Variants in H2AJ observed in about 807,000 individuals in gnomAD.
H2AJ encodes the protein H2A.J histone, also known as histone H2A.J.
A neutral mutation model predicts 7.9 loss-of-function variants in H2AJ; 3 were observed. The ratio of observed to expected loss-of-function variants is 0.38; its 90% CI spans 0.17 to 0.98. The LOEUF (loss-of-function observed/expected upper bound fraction) is 0.98, where lower values mean the gene tolerates loss of function less well. Among genes scored for constraint, H2AJ ranks in the 50% least tolerant of loss-of-function variants. The probability of loss-of-function intolerance (pLI) is 0.39; values close to 1 mark genes in which losing one functional copy is unlikely to be tolerated. For missense variants in H2AJ, 128 were observed against 174.4 expected, an observed-to-expected ratio of 0.73 and a Z score of 1.50; for synonymous variants, 98 against 85.7, an observed-to-expected ratio of 1.14 and a Z score of -0.79.
chr12:14,775,082 G>A (rs7969159), downstream of H2AJ: 16 of 601,406 alleles, frequency 2.7e-5, no homozygotes, highest in Admixed American at 4.3e-4. Flanking sequence ...AGGGGAGGGG[G>A]GCGACCGGGA....
chr12:14,777,810 T>C (rs1949660713), downstream of H2AJ: 1 of 167,092 alleles, frequency 6.0e-6, no homozygotes, highest in African/African-American at 2.4e-5. Flanking sequence ...TAGTAGCTGT[T>C]TTTATTTCTA....
downstream of H2AJ, chr12:14,776,940 T>TA (rs1949648463): frequency 6.0e-6 from 1 of 167,174 alleles, no homozygotes; most frequent in Non-Finnish European, 1.5e-5. Flanking sequence ...CAGCTCTTGT[T>TA]ACATGATGAG....
At chr12:14,775,235 G>T (rs1338546260), downstream of H2AJ, 2 of 485,392 alleles carry the variant, frequency 4.1e-6, no homozygotes, top group Non-Finnish European at 8.4e-6. Context: ...GCAAAGGGGA[G>T]GCAGAGTCGG....
downstream of H2AJ, chr12:14,775,029 G>C: frequency 1.3e-6 from 1 of 792,896 alleles, no homozygotes; most frequent in Non-Finnish European, 2.0e-6. Flanking sequence ...AAATCGTTTG[G>C]TCGAGAGAGC....
downstream of H2AJ, chr12:14,775,041 G>T: frequency 1.4e-6 from 1 of 732,624 alleles, no homozygotes; most frequent in Non-Finnish European, 2.2e-6. Flanking sequence ...CGAGAGAGCT[G>T]TGTAGTCGCG....
chr12:14,774,476 C>T lies in H2AJ; in HGVS notation c.6C>T (p.Ser2=), dbSNP rs778487244. 3.2e-6 allele frequency: 5 copies of T among 1,565,236 alleles called. No individual in the cohort carries two copies. Among genetic ancestry groups the T allele is most frequent in the African/African-American group, 2.7e-5 (2 of 73,140 alleles). The change falls in exon 1 of 1, where the codon TCC becomes TCT. Residue 2 remains serine (S), a synonymous_variant. Transcript: ENST00000544848. ...GTTGTAGGCGAGAGGTGATCATGTC[C>T]GGTCGCGGGAAACAGGGCGGCAAAG... The part of the protein sequence containing the change: M[S]GRGKQGGKVR...
downstream of H2AJ, chr12:14,775,530 G>T: frequency 5.1e-6 from 2 of 392,706 alleles, no homozygotes; most frequent in Non-Finnish European, 1.1e-5. Context: ...GCACTTTTAT[G>T]TTCATATTTT....
downstream of H2AJ, chr12:14,775,667 A>T (rs375110022): frequency 6.4e-6 from 2 of 311,276 alleles, no homozygotes; most frequent in African/African-American, 4.4e-5. Context: ...TTTTAAAGTG[A>T]TGTTGTCAAG....
rs747952344 is a variant in H2AJ at position 14,774,867 on chromosome 12, C to T, written c.*7C>T. 49 of 1,611,952 alleles carry T rather than the reference C, an allele frequency of 3.0e-5. No homozygotes were observed. The highest frequency in any genetic ancestry group is 3.5e-5 in the Non-Finnish European group (41 of 1,178,932). On this transcript the variant is annotated 3_prime_UTR_variant, in exon 1 of 1. Coordinates refer to ENST00000544848, the MANE Select transcript of H2AJ (RefSeq NM_177925.5). ...GAAGACGAAGAGCAAATGACCCTGACGCCGCCCTCAGGGAGCTGGCTCCCC... is the reference window on the plus strand; with the variant it reads ...GAAGACGAAGAGCAAATGACCCTGATGCCGCCCTCAGGGAGCTGGCTCCCC...
At chr12:14,775,683 A>G (rs147529853), downstream of H2AJ, 22 of 317,706 alleles carry the variant, frequency 6.9e-5, no homozygotes, top group East Asian at 9.1e-4. Context: ...TCAAGTTTCT[A>G]GCTTCATAAT....
At chr12:14,776,648 A>G (rs1046591648), downstream of H2AJ, 5 of 167,092 alleles carry the variant, frequency 3.0e-5, no homozygotes, top group African/African-American at 1.2e-4. Flanking sequence ...ACCATGTTCA[A>G]TGGGGGTATG....
chr12:14,774,584 G>T lies in H2AJ; in HGVS notation c.114G>T (p.Gly38=). Residue 38 remains glycine, a synonymous_variant, in exon 1 of 1, where the codon GGG becomes GGT. Transcript: ENST00000544848. ...VGRVHRLLRK[G]NYAERVGAGA... ...GAGTGCACAGACTGCTGCGCAAAGG[G>T]AACTACGCGGAGCGAGTGGGCGCCG... The T allele has an allele frequency of 6.2e-7, 1 of 1,614,034 alleles. No individual in the cohort carries two copies. The highest frequency in any genetic ancestry group is 1.3e-5 in the African/African-American group (1 of 75,062).
downstream of H2AJ, chr12:14,776,190 AT>A (rs1427169694): frequency 4.8e-5 from 8 of 167,100 alleles, no homozygotes; most frequent in South Asian, 1.0e-3. Flanking sequence ...CGGCTGGCCC[AT>A]TTTCCCACAT....
rs753855569 is a variant in H2AJ at position 14,774,857 on chromosome 12, A to C, written c.387A>C (p.Lys129Asn). Residue 129 changes from lysine to asparagine, a missense_variant, in exon 1 of 1, where the codon AAA (lysine) becomes AAC (asparagine). Lys to Asn is a moderately conservative substitution (Grantham distance 94). Coordinates refer to ENST00000544848, the MANE Select transcript of H2AJ (RefSeq NM_177925.5). ...CGGAGAGTCAGAAGACGAAGAGCAAATGACCCTGACGCCGCCCTCAGGGAG... is the reference window on the plus strand; with the variant it reads ...CGGAGAGTCAGAAGACGAAGAGCAACTGACCCTGACGCCGCCCTCAGGGAG... ...KKTESQKTKS[K>N] 3 of 1,613,690 alleles carry C rather than the reference A, an allele frequency of 1.9e-6. No individual in the cohort carries two copies. The Admixed American group carries it at 5.0e-5, about 27-fold the overall frequency.
chr12:14,774,416 C>G lies in H2AJ; in HGVS notation c.-55C>G. 3.9e-6 allele frequency: 6 copies of G among 1,520,812 alleles called. No homozygotes were observed. The highest frequency in any genetic ancestry group is 5.3e-6 in the Non-Finnish European group (6 of 1,136,304). 94.2% of individuals were successfully genotyped at this position (1,520,812 alleles called of 1,614,324 possible). Reference sequence around the variant, plus strand: ...GGGTGCGGTACGTTGCATTCCGGTACCGGACGCCGAGAGCGGTTTGTCTCC... The same window carrying G: ...GGGTGCGGTACGTTGCATTCCGGTAGCGGACGCCGAGAGCGGTTTGTCTCC... On this transcript the variant is annotated 5_prime_UTR_variant, in exon 1 of 1. Coordinates refer to ENST00000544848, the MANE Select transcript of H2AJ (RefSeq NM_177925.5).
downstream of H2AJ, chr12:14,775,685 C>G (rs983487465): frequency 1.6e-5 from 5 of 314,676 alleles, no homozygotes; most frequent in Non-Finnish European, 3.3e-5. Flanking sequence ...AAGTTTCTAG[C>G]TTCATAATGA....
chr12:14,775,717 T>C (rs1015905546), downstream of H2AJ: 2 of 253,680 alleles, frequency 7.9e-6, no homozygotes, highest in Non-Finnish European at 1.7e-5. Context: ...TCATATCATA[T>C]TCACTTTGAG....
At position 14,774,767 on chromosome 12, in the gene H2AJ, C is replaced by A. The variant is rs1238595144; in HGVS notation, c.297C>A (p.Gly99=). The A allele has an allele frequency of 1.3e-5, 21 of 1,614,202 alleles. 1 individual carries two copies. The East Asian group carries it at 4.5e-4, about 34-fold the overall frequency. ...ACGAGGAGTTAAACAAGCTGCTGGG[C>A]AAAGTGACCATCGCTCAGGGCGGCG... is the stretch of plus-strand genomic sequence containing the variant. The part of the protein sequence containing the change: ...RNDEELNKLL[G]KVTIAQGGVL... The change falls in exon 1 of 1, where the codon GGC becomes GGA. Residue 99 remains glycine (G), a synonymous_variant. Transcript: ENST00000544848.
In H2AJ at chr12:14,774,649, C is replaced by T. The variant is rs1369965874; in HGVS notation, c.179C>T (p.Thr60Met). The change falls in exon 1 of 1, where the codon ACG becomes ATG. Residue 60 changes from threonine (T) to methionine (M), a missense_variant. By Grantham distance (81) the Thr-to-Met change is moderately conservative. Coordinates refer to ENST00000544848, the MANE Select transcript of H2AJ (RefSeq NM_177925.5). ...CTGGCGGCGGTGTTGGAGTACCTTA[C>T]GGCGGAGATCCTGGAGCTGGCTGGC... is the stretch of plus-strand genomic sequence containing the variant. ...VYLAAVLEYL[T>M]AEILELAGNA... 1 of 1,614,166 alleles carries T rather than the reference C, an allele frequency of 6.2e-7. No individual in the cohort carries two copies. The highest frequency in any genetic ancestry group is 1.1e-5 in the South Asian group (1 of 91,070).
Sources: allele counts gnomAD v4.1 joint callset, GRCh38; gene constraint gnomAD v4.1.1; transcripts MANE v1.5; gene names NCBI Gene and HGNC (gene_info 2026-07-23, HGNC 2026-07-21).